LMBRD1: variants seen among roughly 807,000 people sequenced by gnomAD.
The protein encoded by LMBRD1 is lysosomal cobalamin transport escort protein LMBD1.
In LMBRD1, 64 loss-of-function variants were observed where a neutral mutation model predicts 74.8. That is an observed-to-expected ratio of 0.86 (90% CI 0.70 to 1.05). The LOEUF (loss-of-function observed/expected upper bound fraction) is 1.05. Among genes scored for constraint, LMBRD1 ranks in the 50% least tolerant of loss-of-function variants. The pLI, the probability that LMBRD1 is intolerant of heterozygous loss-of-function variation, is 0.00. For missense variants in LMBRD1, 652 were observed against 645.9 expected, an observed-to-expected ratio of 1.01 and a Z score of -0.10; for synonymous variants, 204 against 216.3, an observed-to-expected ratio of 0.94 and a Z score of 0.50.
chr6:69,728,964 T>C (rs1004255484), intron 7 of LMBRD1, among the ~76,000 whole-genome samples: 1 of 151,640 alleles, frequency 6.6e-6, no homozygotes, highest in Non-Finnish European at 1.5e-5. Flanking sequence ...TATGAACATA[T>C]AAAATTGTTT....
chr6:69,716,097 T>C (rs1308775658), intron 8 of LMBRD1, among the ~76,000 whole-genome samples: 1 of 152,230 alleles, frequency 6.6e-6, no homozygotes. Flanking sequence ...TGTGTCTTTA[T>C]CGCAGAATGC....
chr6:69,770,446 T>G (rs1396612537), intron 3 of LMBRD1, among the ~76,000 whole-genome samples: 1 of 152,198 alleles, frequency 6.6e-6, no homozygotes, highest in Non-Finnish European at 1.5e-5. Context: ...AGCTGTTGTT[T>G]TCTGTTCAGT....
chr6:69,735,848 T>C (rs1454235976), intron 7 of LMBRD1, among the ~76,000 whole-genome samples: 1 of 152,188 alleles, frequency 6.6e-6, no homozygotes, highest in Non-Finnish European at 1.5e-5. Context: ...TCACATGACA[T>C]GGCCTCTTGC....
At chr6:69,719,781 A>G (rs1766574155) in intron 7 of LMBRD1, among the ~76,000 whole-genome samples, 1 of 152,196 alleles carries the variant, frequency 6.6e-6, no homozygotes, top group African/African-American at 2.4e-5. Flanking sequence ...AACACTGACA[A>G]CTATCACCTC....
In LMBRD1 at chr6:69,738,025, A is replaced by C. The variant is rs1562106013; in HGVS notation, c.563-10T>G. 1.9e-6 allele frequency: 3 copies of C among 1,596,884 alleles called. No individual in the cohort carries two copies. Among genetic ancestry groups the C allele is most frequent in the Non-Finnish European group, 2.6e-6 (3 of 1,167,236 alleles). On this transcript the variant is annotated splice_polypyrimidine_tract_variant and intron_variant, in intron 6 of 15. Coordinates refer to ENST00000649934, the MANE Select transcript of LMBRD1 (RefSeq NM_018368.4). ...AATGCAGCTAAACCATCTGTGAAGA[A>C]AGAAAAACTGTTAAAAATGTACATA...
At chr6:69,690,375 T>A (rs993327478) in intron 14 of LMBRD1, among the ~76,000 whole-genome samples, 22 of 152,058 alleles carry the variant, frequency 1.4e-4, no homozygotes, top group Admixed American at 1.1e-3. Context: ...ACATTCTCCC[T>A]CAATACATAA....
chr6:69,751,364 T>C (rs1022558404), intron 4 of LMBRD1, among the ~76,000 whole-genome samples: 4 of 152,084 alleles, frequency 2.6e-5, no homozygotes, highest in Admixed American at 2.6e-4. Context: ...CTCGCTCTTG[T>C]TGCCCAGGCT....
intron 8 of LMBRD1, among the ~76,000 whole-genome samples, chr6:69,716,990 A>G (rs1436998927): frequency 6.6e-6 from 1 of 151,080 alleles, no homozygotes; most frequent in Non-Finnish European, 1.5e-5. Flanking sequence ...ATACTCACAA[A>G]CAGTCTATCT....
At chr6:69,776,671 T>A (rs1276443868) in intron 3 of LMBRD1, among the ~76,000 whole-genome samples, 1 of 152,288 alleles carries the variant, frequency 6.6e-6, no homozygotes, top group East Asian at 1.9e-4. Flanking sequence ...CCCTCAAACC[T>A]TTATCTCATT....
At chr6:69,779,712 T>A in intron 3 of LMBRD1, among the ~76,000 whole-genome samples, 1 of 152,214 alleles carries the variant, frequency 6.6e-6, no homozygotes. Flanking sequence ...TGAATCTAAA[T>A]GAAGCAAAGT....
At chr6:69,693,610 CA>C (rs1339869804) in intron 14 of LMBRD1, among the ~76,000 whole-genome samples, 1 of 151,846 alleles carries the variant, frequency 6.6e-6, no homozygotes, top group Non-Finnish European at 1.5e-5. Flanking sequence ...GGATACATTG[CA>C]AAGGTGCCAT....
intron 1 of LMBRD1, 34 bp from the exon 2 acceptor site, chr6:69,790,506 C>T (rs760511858): frequency 6.9e-6 from 11 of 1,589,228 alleles, no homozygotes; most frequent in Non-Finnish European, 8.6e-6. Flanking sequence ...TTTGTTACTA[C>T]CCAGTGTATT....
intron 7 of LMBRD1, among the ~76,000 whole-genome samples, chr6:69,728,515 A>G (rs1052234579): frequency 1.3e-5 from 2 of 152,146 alleles, no homozygotes; most frequent in Non-Finnish European, 2.9e-5. Flanking sequence ...TTTGTCCTCA[A>G]TGCTTGTTAT....
At position 69,773,758 on chromosome 6, in the gene LMBRD1, T is replaced by C. The variant is rs140406449; in HGVS notation, c.307+6736A>G. On this transcript the variant is annotated intron_variant, in intron 3 of 15. Transcript: ENST00000649934. ...AGTAAAAATCTTTTAAATGTACATA[T>C]ATAATATCTTCTTAACAGCTGCATT... is the stretch of plus-strand genomic sequence containing the variant. 7.2e-5 allele frequency among the ~76,000 whole-genome samples: 11 copies of C among 152,364 alleles called. No individual in the cohort carries two copies. The East Asian group carries it at 1.3e-3, about 19-fold the overall frequency.
At chr6:69,783,106 T>C (rs181775632) in intron 2 of LMBRD1, among the ~76,000 whole-genome samples, 45 of 152,198 alleles carry the variant, frequency 3.0e-4, no homozygotes, top group African/African-American at 9.9e-4. Context: ...CAACCAAAAG[T>C]TTTAACACAT....
At chr6:69,761,708 T>C (rs1765377464) in intron 3 of LMBRD1, among the ~76,000 whole-genome samples, 1 of 152,222 alleles carries the variant, frequency 6.6e-6, no homozygotes, top group Admixed American at 6.5e-5. Context: ...TTGGTAAATT[T>C]ATAAAGTTCT....
chr6:69,737,420 C>A (rs9346341), intron 7 of LMBRD1, among the ~76,000 whole-genome samples: 3 of 151,532 alleles, frequency 2.0e-5, no homozygotes, highest in African/African-American at 7.3e-5. Context: ...AGTATAAGAA[C>A]AGATTTCATA....
chr6:69,794,970 T>C (rs1443445094), intron 1 of LMBRD1, among the ~76,000 whole-genome samples: 1 of 152,214 alleles, frequency 6.6e-6, no homozygotes, highest in Non-Finnish European at 1.5e-5. Context: ...GCAGCTGACA[T>C]GAATCTTCCA....
intron 7 of LMBRD1, among the ~76,000 whole-genome samples, chr6:69,721,692 G>A (rs974466454): frequency 2.6e-5 from 4 of 152,182 alleles, no homozygotes; most frequent in African/African-American, 9.7e-5. Flanking sequence ...AAGTAAAGGG[G>A]ACTTTGTCTT....
Sources: gnomAD v4.1 joint callset for allele counts (sites outside exome capture counted in the v4.1 genomes callset) on GRCh38, gnomAD v4.1.1 for gene constraint, MANE v1.5 for transcripts, NCBI Gene and HGNC (gene_info 2026-07-23, HGNC 2026-07-21) for gene names.